The following EYA1 variants were observed in gnomAD, a reference collection of about 807,000 sequenced individuals.
EYA1 encodes EYA transcriptional coactivator and phosphatase 1, also known as protein phosphatase EYA1.
EYA1 carries 16 observed loss-of-function variants against 82.0 expected under a neutral mutation model. The observed-to-expected ratio is 0.20, with a 90% CI of 0.13 to 0.30. The LOEUF (loss-of-function observed/expected upper bound fraction) is 0.30, where lower values mean the gene tolerates loss of function less well. EYA1 is among the 10% of genes least tolerant of loss of function. EYA1 has a pLI of 1.00. For synonymous variants in EYA1, 261 were observed against 264.4 expected (o/e 0.99, Z 0.12); for missense variants, 633 against 730.7 (o/e 0.87, Z 1.54).
At chr8:71,235,405 T>G (rs1465519895) in intron 12 of EYA1, among the ~76,000 whole-genome samples, 1 of 152,192 alleles carries the variant, frequency 6.6e-6, no homozygotes, top group Non-Finnish European at 1.5e-5. Flanking sequence ...AACTCATTCC[T>G]ACTATTGTCC....
At chr8:71,225,450 A>G (rs997635929) in intron 12 of EYA1, 3 of 352,992 alleles carry the variant, frequency 8.5e-6, no homozygotes, top group African/African-American at 6.4e-5. Flanking sequence ...AAAAAGAAAA[A>G]AATGGTGCAG....
chr8:71,289,875 G>A (rs1046623336), intron 9 of EYA1, among the ~76,000 whole-genome samples: 2 of 152,128 alleles, frequency 1.3e-5, no homozygotes, highest in Non-Finnish European at 2.9e-5. Flanking sequence ...AAAGTAAGGT[G>A]CAGAACAGCA....
At chr8:71,411,071 C>T (rs1830564876) in intron 2 of EYA1, among the ~76,000 whole-genome samples, 1 of 5,478 alleles carries the variant, frequency 1.8e-4, no homozygotes, top group East Asian at 2.5e-3. Flanking sequence ...TCAGAAATAA[C>T]GCCGCATACC....
At chr8:71,495,070 C>T (rs776403019) in intron 2 of EYA1, among the ~76,000 whole-genome samples, 5 of 151,502 alleles carry the variant, frequency 3.3e-5, no homozygotes, top group Non-Finnish European at 7.4e-5. Context: ...AAGGATCTTG[C>T]AAATTTATAC....
At chr8:71,351,164 G>A (rs796074513) in intron 3 of EYA1, among the ~76,000 whole-genome samples, 5 of 152,086 alleles carry the variant, frequency 3.3e-5, no homozygotes, top group South Asian at 2.1e-4. Context: ...CTGGTTTTAC[G>A]TCACCTAAAG....
chr8:71,277,047 TA>T (rs1229494638), intron 9 of EYA1, among the ~76,000 whole-genome samples: 10 of 150,930 alleles, frequency 6.6e-5, no homozygotes, highest in Non-Finnish European at 1.5e-4. Context: ...CTTCATAGTC[TA>T]CTTCAGATAG....
intron 10 of EYA1, chr8:71,270,349 T>A (rs1563730972): frequency 6.4e-6 from 1 of 156,560 alleles, no homozygotes; most frequent in Non-Finnish European, 1.4e-5. Flanking sequence ...ATCAAAGGGA[T>A]GGGATACACA....
chr8:71,237,512 T>C (rs889311909), intron 12 of EYA1, among the ~76,000 whole-genome samples: 58 of 151,178 alleles, frequency 3.8e-4, no homozygotes, highest in African/African-American at 1.4e-3. Context: ...CTTTTAAAAA[T>C]AGTATTTGTC....
chr8:71,316,427 C>T (rs1821935115), intron 7 of EYA1, among the ~76,000 whole-genome samples: 1 of 151,952 alleles, frequency 6.6e-6, no homozygotes, highest in Admixed American at 6.6e-5. Flanking sequence ...TTCCATGTAG[C>T]CATCAAAAGG....
intron 2 of EYA1, among the ~76,000 whole-genome samples, chr8:71,532,262 C>G (rs1020750056): frequency 6.6e-6 from 1 of 152,132 alleles, no homozygotes; most frequent in Admixed American, 6.6e-5. Context: ...TGCACTGCCA[C>G]CCTCCCATCC....
rs191261000 is a variant in EYA1, at chr8:71,294,623, C to T, written c.826+4424G>A. Among the ~76,000 whole-genome samples the T allele has an allele frequency of 1.1e-3, 175 of 152,242 alleles. 1 individual carries two copies. Among genetic ancestry groups the T allele is most frequent in the African/African-American group, 3.7e-3 (154 of 41,556 alleles). ...TAAATAAATGGAGAGATATTCCATG[C>T]ATATGGATAGATTCAATATTGTCAA... On this transcript the variant is annotated intron_variant, in intron 9 of 17. Coordinates refer to ENST00000340726, the MANE Select transcript of EYA1 (RefSeq NM_000503.6).
At chr8:71,513,387 T>C (rs1460333951) in intron 2 of EYA1, among the ~76,000 whole-genome samples, 1 of 152,120 alleles carries the variant, frequency 6.6e-6, no homozygotes, top group Non-Finnish European at 1.5e-5. Context: ...TATCAAAAAG[T>C]CAATAGTCTG....
chr8:71,508,533 T>A (rs1238038487), intron 2 of EYA1, among the ~76,000 whole-genome samples: 1 of 152,156 alleles, frequency 6.6e-6, no homozygotes, highest in Non-Finnish European at 1.5e-5. Context: ...ATCACCAATA[T>A]GAGTATTAGG....
chr8:71,218,106 A>T (rs1400353287), intron 12 of EYA1, among the ~76,000 whole-genome samples: 1 of 152,198 alleles, frequency 6.6e-6, no homozygotes, highest in East Asian at 1.9e-4. Flanking sequence ...AGAGGCCTTT[A>T]TTGTACTTAT....
chr8:71,365,912 A>T (rs1827725630), upstream of EYA1, among the ~76,000 whole-genome samples: 2 of 152,242 alleles, frequency 1.3e-5, no homozygotes, highest in South Asian at 2.1e-4. Flanking sequence ...AATGTTTTCC[A>T]TTCAAACTCC....
chr8:71,443,428 G>A (rs761513598), intron 2 of EYA1, among the ~76,000 whole-genome samples: 1 of 152,122 alleles, frequency 6.6e-6, no homozygotes. Context: ...GGTAAAGCAC[G>A]TGCCATCACG....
At chr8:71,236,133 G>A (rs879303063) in intron 12 of EYA1, among the ~76,000 whole-genome samples, 4 of 152,014 alleles carry the variant, frequency 2.6e-5, no homozygotes, top group Non-Finnish European at 4.4e-5. Flanking sequence ...CTCCACCTCC[G>A]GGTTTGATTC....
chr8:71,478,176 C>T (rs1211881973), intron 2 of EYA1, among the ~76,000 whole-genome samples: 1 of 152,142 alleles, frequency 6.6e-6, no homozygotes. Flanking sequence ...GTGCATTTCA[C>T]TTCTGTAAAA....
intron 2 of EYA1, chr8:71,470,869 G>C (rs979790938): frequency 2.2e-6 from 1 of 455,402 alleles, no homozygotes; most frequent in Non-Finnish European, 4.4e-6. Flanking sequence ...TTTAATTTCT[G>C]GTGAGAGCTG....
Sources: allele counts gnomAD v4.1 joint callset (sites outside exome capture counted in the v4.1 genomes callset), GRCh38; gene constraint gnomAD v4.1.1; transcripts MANE v1.5; gene names NCBI Gene and HGNC (gene_info 2026-07-23, HGNC 2026-07-21).